The following NPAS3 variants were observed in gnomAD, a reference collection of about 807,000 sequenced individuals.
NPAS3 encodes neuronal PAS domain protein 3.
In NPAS3, 14 loss-of-function variants were observed where a neutral mutation model predicts 73.1. The observed-to-expected ratio is 0.19, with a 90% confidence interval of 0.13 to 0.30. The LOEUF (loss-of-function observed/expected upper bound fraction) is 0.30, where lower values mean the gene tolerates loss of function less well. Ranked by LOEUF, NPAS3 falls within the 10% of genes least tolerant of loss-of-function variation. NPAS3 has a pLI of 1.00. For missense variants in NPAS3, 1,096 were observed against 1,250.0 expected, an observed-to-expected ratio of 0.88 and a Z score of 1.86; for synonymous variants, 620 against 541.5, an observed-to-expected ratio of 1.14 and a Z score of -2.01.
chr14:33,550,566 T>C (rs1260398333), intron 4 of NPAS3, among the ~76,000 whole-genome samples: 1 of 152,246 alleles, frequency 6.6e-6, no homozygotes, highest in Non-Finnish European at 1.5e-5. Flanking sequence ...GAGCCTTGAA[T>C]AGGATAAGAG....
intron 3 of NPAS3, among the ~76,000 whole-genome samples, chr14:33,362,305 G>T (rs979139085): frequency 6.6e-6 from 1 of 152,140 alleles, no homozygotes; most frequent in Non-Finnish European, 1.5e-5. Flanking sequence ...TCAGAATAAA[G>T]ACACAGCCTA....
chr14:32,968,644 A>T (rs1419697532), intron 1 of NPAS3, among the ~76,000 whole-genome samples: 2 of 152,182 alleles, frequency 1.3e-5, no homozygotes, highest in Non-Finnish European at 2.9e-5. Context: ...CTTGTGCAAC[A>T]ACATTTATTA....
At chr14:33,353,655 A>C (rs2045188182) in intron 3 of NPAS3, among the ~76,000 whole-genome samples, 1 of 152,210 alleles carries the variant, frequency 6.6e-6, no homozygotes, top group Admixed American at 6.5e-5. Flanking sequence ...CTATATATGA[A>C]GTTTCATGTC....
intron 1 of NPAS3, among the ~76,000 whole-genome samples, chr14:32,987,062 C>T (rs571290013): frequency 6.6e-6 from 1 of 152,218 alleles, no homozygotes; most frequent in Admixed American, 6.5e-5. Context: ...ATGAAAACGT[C>T]TTTCATGAAA....
intron 4 of NPAS3, among the ~76,000 whole-genome samples, chr14:33,505,083 A>C (rs554912794): frequency 6.6e-6 from 1 of 152,058 alleles, no homozygotes; most frequent in Admixed American, 6.6e-5. Context: ...AAGGTTAACA[A>C]GTTAATACAC....
chr14:33,528,894 G>A (rs1190812342), intron 4 of NPAS3, among the ~76,000 whole-genome samples: 4 of 152,098 alleles, frequency 2.6e-5, no homozygotes, highest in Non-Finnish European at 5.9e-5. Context: ...GCCTTGTGAA[G>A]GGTCCCAAAG....
chr14:32,973,202 A>G (rs1278613601), intron 1 of NPAS3, among the ~76,000 whole-genome samples: 1 of 152,216 alleles, frequency 6.6e-6, no homozygotes, highest in Non-Finnish European at 1.5e-5. Context: ...TTCTAAGCAC[A>G]CATTCATCTG....
intron 2 of NPAS3, among the ~76,000 whole-genome samples, chr14:33,136,082 A>G (rs549956501): frequency 4.6e-4 from 59 of 128,120 alleles, no homozygotes; most frequent in Admixed American, 3.7e-3. Context: ...TTTTTTTGAG[A>G]CAGAGTCTCG....
intron 5 of NPAS3, among the ~76,000 whole-genome samples, chr14:33,578,024 T>C (rs1377545490): frequency 6.6e-6 from 1 of 152,208 alleles, no homozygotes; most frequent in Admixed American, 6.5e-5. Context: ...CCCATTGAGT[T>C]TGGAATTTAC....
intron 2 of NPAS3, among the ~76,000 whole-genome samples, chr14:33,209,284 T>C (rs1239431114): frequency 1.3e-5 from 2 of 151,954 alleles, no homozygotes; most frequent in Non-Finnish European, 2.9e-5. Flanking sequence ...CAAAAAAAAA[T>C]ACTCTTGGAA....
chr14:33,057,391 G>A (rs974215754), intron 2 of NPAS3, among the ~76,000 whole-genome samples: 7 of 151,980 alleles, frequency 4.6e-5, no homozygotes, highest in African/African-American at 1.7e-4. Context: ...AGTGATTTGT[G>A]GATTTGTTGT....
chr14:33,530,624 T>A (rs749825691), intron 4 of NPAS3, among the ~76,000 whole-genome samples: 7 of 152,144 alleles, frequency 4.6e-5, no homozygotes, highest in African/African-American at 7.2e-5. Context: ...AGCTTTTCAT[T>A]ACTAAGAAGC....
chr14:32,934,862 C>A, upstream of NPAS3: 1 of 620,968 alleles, frequency 1.6e-6, no homozygotes, highest in Non-Finnish European at 2.0e-6. This position sits in a 1 kb window ranked among gnomAD's most constrained non-coding sequence, Gnocchi z 4.1. Context: ...CGAATCTTTC[C>A]GGATTTCAGC....
rs533612591 is a variant in NPAS3 at position 33,743,033 on chromosome 14, T to C, written c.852+7701T>C. 2.4e-4 allele frequency among the ~76,000 whole-genome samples: 36 copies of C among 152,318 alleles called. No individual in the cohort carries two copies. In the South Asian group the frequency reaches 3.1e-3, roughly 13 times the overall value. ...TATGCAGTTCTTCCCTCCACTGAAG[T>C]CTTGAGCACCTCAAAGTCATCCATA... On this transcript the variant is annotated intron_variant, in intron 7 of 11. Transcript: ENST00000356141.
At chr14:33,479,520 C>T (rs1221748256) in intron 4 of NPAS3, among the ~76,000 whole-genome samples, 1 of 152,134 alleles carries the variant, frequency 6.6e-6, no homozygotes, top group Non-Finnish European at 1.5e-5. Context: ...AAACAAGTTA[C>T]CCCCAAAGGA....
intron 5 of NPAS3, among the ~76,000 whole-genome samples, chr14:33,653,691 G>A (rs1436746108): frequency 2.6e-5 from 4 of 152,186 alleles, no homozygotes; most frequent in African/African-American, 7.2e-5. Flanking sequence ...ACTCACAATC[G>A]TGAAGGTCAA....
At chr14:33,131,173 C>G (rs1170603228) in intron 2 of NPAS3, among the ~76,000 whole-genome samples, 1 of 151,994 alleles carries the variant, frequency 6.6e-6, no homozygotes, top group African/African-American at 2.4e-5. Context: ...CACTTTTTTC[C>G]TCAAGGAAAA....
chr14:33,715,515 T>C (rs559633691), intron 6 of NPAS3, among the ~76,000 whole-genome samples: 9 of 151,608 alleles, frequency 5.9e-5, no homozygotes, highest in South Asian at 2.1e-4. Context: ...ACCTGGGAGG[T>C]CGCTTACTCT....
In NPAS3 at chr14:33,563,537, C is replaced by CACACACACACACACAGAGAGAGAGAG; in HGVS notation, c.558+3328_558+3329insCACACACACACACAGAGAGAGAGAGA. 9.5e-4 allele frequency among the ~76,000 whole-genome samples: 114 copies of CACACACACACACACAGAGAGAGAGAG among 119,682 alleles called. 1 individual carries two copies. The highest frequency in any genetic ancestry group is 3.1e-3 in the African/African-American group (83 of 26,762). 78.5% of individuals were successfully genotyped at this position (119,682 alleles called of 152,430 possible). A position where few individuals can be genotyped will look rare whatever the true frequency, so the allele number is the denominator to read the frequency against. On this transcript the variant is annotated intron_variant, in intron 5 of 11. Transcript: ENST00000356141. The stretch of plus-strand genomic sequence containing the variant: ...ATACATACACACACACACACACACA[C>CACACACACACACACAGAGAGAGAGAG]AGAGAGAGAGAGAGAGAGAGAGAGA...
Sources: allele counts gnomAD v4.1 joint callset (sites outside exome capture counted in the v4.1 genomes callset), GRCh38; gene constraint gnomAD v4.1.1; non-coding constraint Gnocchi (gnomAD v3.1); transcripts MANE v1.5; gene names NCBI Gene and HGNC (gene_info 2026-07-23, HGNC 2026-07-21).